The following PRKCI variants were observed in gnomAD, a reference collection of about 807,000 sequenced individuals.
The protein encoded by PRKCI is protein kinase C iota type.
PRKCI carries 43 observed loss-of-function variants against 84.0 expected under a neutral mutation model. That is an observed-to-expected ratio of 0.51 (90% CI 0.40 to 0.66). PRKCI has a LOEUF of 0.66. Ranked by LOEUF, PRKCI falls within the 30% of genes least tolerant of loss-of-function variation. The pLI is 0.00. For missense variants in PRKCI, 459 were observed against 745.6 expected (o/e 0.62, Z 4.48); for synonymous variants, 216 against 234.4 (o/e 0.92, Z 0.72).
At position 170,275,240 on chromosome 3, in the gene PRKCI, A is replaced by G; in HGVS notation, c.658A>G (p.Asn220Asp). Residue 220 changes from asparagine (N) to aspartate (D), a missense_variant, in exon 8 of 18, where the codon AAT (asparagine) becomes GAT (aspartate). By Grantham distance (23) the Asn-to-Asp change is conservative. This residue lies in a region of PRKCI where 250 missense variants were observed against 319.7 expected (regional missense o/e 0.78). Transcript: ENST00000295797. ...TATTGGGTTTTTAGTAATTCCATAT[A>G]ATCCTTCAAGTCATGAGAGTTTGGA... ...SDHAQTVIPYNPSSHESLDQV... is the reference protein window; with the variant it reads ...SDHAQTVIPYDPSSHESLDQV... 6.3e-7 allele frequency: 1 copy of G among 1,580,680 alleles called. No individual in the cohort carries two copies. Among genetic ancestry groups the G allele is most frequent in the Non-Finnish European group, 8.6e-7 (1 of 1,168,412 alleles).
intron 13 of PRKCI, among the ~76,000 whole-genome samples, chr3:170,293,024 G>A (rs1425224204): frequency 6.9e-6 from 1 of 145,462 alleles, no homozygotes; most frequent in Non-Finnish European, 1.5e-5. Flanking sequence ...CTGGGCGACA[G>A]AGTGAGACCC....
chr3:170,222,817 T>G, intron 1 of PRKCI, 47 bp downstream of exon 1: 28 of 956,018 alleles, frequency 2.9e-5, no homozygotes, highest in East Asian at 5.7e-5. Context: ...ACAGGCCGGC[T>G]CCACTCGGCC....
chr3:170,242,843 G>A (rs1733170329), intron 2 of PRKCI, among the ~76,000 whole-genome samples: 1 of 151,646 alleles, frequency 6.6e-6, no homozygotes, highest in African/African-American at 2.4e-5. Context: ...GCTAATTTTT[G>A]TATTTTTAGT....
At chr3:170,249,116 G>A (rs1733369306) in intron 2 of PRKCI, among the ~76,000 whole-genome samples, 1 of 152,008 alleles carries the variant, frequency 6.6e-6, no homozygotes, top group Admixed American at 6.6e-5. Context: ...CCAAAGCGCT[G>A]GGATTACAGG....
chr3:170,233,716 C>G (rs1363278192), intron 1 of PRKCI, among the ~76,000 whole-genome samples: 2 of 151,942 alleles, frequency 1.3e-5, no homozygotes, highest in Non-Finnish European at 2.9e-5. Context: ...TGATGGGTAT[C>G]TATACTTAAA....
intron 1 of PRKCI, among the ~76,000 whole-genome samples, chr3:170,233,790 G>A (rs190074949): frequency 9.3e-5 from 14 of 151,054 alleles, no homozygotes; most frequent in South Asian, 2.1e-4. Context: ...ACGCAATCAC[G>A]GCTCACTGCA....
chr3:170,270,930 A>G (rs926793494), intron 6 of PRKCI, among the ~76,000 whole-genome samples: 8 of 151,856 alleles, frequency 5.3e-5, no homozygotes, highest in Non-Finnish European at 1.2e-4. Context: ...AGGTAAGAAG[A>G]GTCAAAGGTA....
At chr3:170,245,263 A>G (rs1374450676) in intron 2 of PRKCI, among the ~76,000 whole-genome samples, 1 of 151,996 alleles carries the variant, frequency 6.6e-6, no homozygotes, top group Non-Finnish European at 1.5e-5. Flanking sequence ...TAATTTGAGG[A>G]TCCACTACTT....
chr3:170,293,555 A>C (rs142145927), intron 14 of PRKCI, 47 bp downstream of exon 14: 1 of 1,582,694 alleles, frequency 6.3e-7, no homozygotes, highest in Non-Finnish European at 8.6e-7. Context: ...AACCTATTCT[A>C]GAGTACAAAT....
At chr3:170,256,675 C>T (rs899988310) in intron 2 of PRKCI, among the ~76,000 whole-genome samples, 14 of 151,984 alleles carry the variant, frequency 9.2e-5, no homozygotes, top group African/African-American at 2.9e-4. Context: ...ATTTCTGCCC[C>T]GATCTTTATT....
intron 2 of PRKCI, among the ~76,000 whole-genome samples, chr3:170,244,251 C>T (rs969333827): frequency 6.6e-6 from 1 of 152,100 alleles, no homozygotes; most frequent in Non-Finnish European, 1.5e-5. Flanking sequence ...GTGGTTATCT[C>T]TAAGGTGGGA....
At position 170,222,682 on chromosome 3, in the gene PRKCI, A is replaced by G; in HGVS notation, c.13A>G (p.Arg5Gly). 2 of 1,599,082 alleles carry G rather than the reference A, an allele frequency of 1.3e-6. No individual in the cohort carries two copies. Among genetic ancestry groups the G allele is most frequent in the Non-Finnish European group, 1.7e-6 (2 of 1,173,948 alleles). MPTQ[R>G]DSSTMSHTVA... ...GGGGAGTGAGGAGATGCCGACCCAG[A>G]GGGACAGCAGCACCATGTCCCACAC... Residue 5 changes from arginine (R) to glycine (G), a missense_variant, in exon 1 of 18, where the codon AGG becomes GGG. This residue lies in a region of PRKCI where 250 missense variants were observed against 319.7 expected (regional missense o/e 0.78). Coordinates refer to ENST00000295797, the MANE Select transcript of PRKCI (RefSeq NM_002740.6).
At chr3:170,296,522 T>G (rs1577377036) in intron 15 of PRKCI, among the ~76,000 whole-genome samples, 1 of 152,284 alleles carries the variant, frequency 6.6e-6, no homozygotes, top group South Asian at 2.1e-4. Context: ...TAGAGGAGTT[T>G]TAGGATCTAG....
In PRKCI at chr3:170,222,470, C is replaced by T. The variant is rs1031689697; in HGVS notation, c.-200C>T. ...CCGGGCGGCTGTAGAGGCGGCGGCGCCTACGGGCAGTGGGAGGAGCCGCGC... is the reference window on the plus strand; with the variant it reads ...CCGGGCGGCTGTAGAGGCGGCGGCGTCTACGGGCAGTGGGAGGAGCCGCGC... On this transcript the variant is annotated 5_prime_UTR_variant, in exon 1 of 18. Coordinates refer to ENST00000295797, the MANE Select transcript of PRKCI (RefSeq NM_002740.6). 16 of 465,298 alleles carry T rather than the reference C, an allele frequency of 3.4e-5. No individual in the cohort carries two copies. The highest frequency in any genetic ancestry group is 5.6e-5 in the Non-Finnish European group (15 of 269,758). 28.8% of individuals were successfully genotyped at this position (465,298 alleles called of 1,614,324 possible). A position where few individuals can be genotyped will look rare whatever the true frequency, so the allele number is the denominator to read the frequency against.
rs112172481 is a variant in PRKCI, at chr3:170,259,775, C to T, written c.224-194C>T. Among the ~76,000 whole-genome samples, 537 of 152,246 alleles carry T rather than the reference C, an allele frequency of 3.5e-3. 5 individuals carry two copies. The highest frequency in any genetic ancestry group is 0.012 in the African/African-American group (516 of 41,538). On this transcript the variant is annotated intron_variant, in intron 2 of 17. Transcript: ENST00000295797. ...GAGCCAGGATCATGCCACTGCACTC[C>T]AGCCTGGGTGGCAAGAGCAAAACTC...
At chr3:170,230,575 C>A (rs1350778905) in intron 1 of PRKCI, among the ~76,000 whole-genome samples, 2 of 152,214 alleles carry the variant, frequency 1.3e-5, no homozygotes, top group African/African-American at 4.8e-5. Flanking sequence ...AGTGATTCAC[C>A]CGCTGTGGCC....
chr3:170,296,141 A>AATTG (rs1734681868), intron 15 of PRKCI, 151 bp downstream of exon 15: 6 of 430,572 alleles, frequency 1.4e-5, no homozygotes, highest in Non-Finnish European at 2.1e-5. Context: ...CCCAAAGAGT[A>AATTG]ATTGACAGCA....
chr3:170,275,934 CTTTT>C (rs746440889), intron 8 of PRKCI, among the ~76,000 whole-genome samples: 7 of 132,252 alleles, frequency 5.3e-5, no homozygotes, highest in African/African-American at 1.7e-4. Context: ...CCGTATCATT[CTTTT>C]TTTTTTTTTT....
intron 1 of PRKCI, among the ~76,000 whole-genome samples, chr3:170,227,992 G>A (rs1008153375): frequency 6.6e-6 from 1 of 152,178 alleles, no homozygotes; most frequent in Non-Finnish European, 1.5e-5. Flanking sequence ...GGTGACGGGA[G>A]TTGGACAACT....
Sources: gnomAD v4.1 joint callset for allele counts (sites outside exome capture counted in the v4.1 genomes callset) on GRCh38, gnomAD v4.1.1 for gene constraint, gnomAD v4.1.1 regional missense constraint, MANE v1.5 for transcripts, NCBI Gene and HGNC (gene_info 2026-07-23, HGNC 2026-07-21) for gene names.